Variants in BAIAP3 observed in about 807,000 individuals in gnomAD.
The protein encoded by BAIAP3 is BAI1 associated protein 3.
In BAIAP3, 180 loss-of-function variants were observed where a neutral mutation model predicts 149.7. That is an observed-to-expected ratio of 1.20 (90% CI 1.07 to 1.36). BAIAP3 has a LOEUF of 1.36. Ranked by LOEUF, BAIAP3 falls within the 40% of genes most tolerant of loss-of-function variation. The probability of loss-of-function intolerance (pLI) is 0.00; values close to 1 mark genes in which losing one functional copy is unlikely to be tolerated. For synonymous variants in BAIAP3, 845 were observed against 670.7 expected (o/e 1.26, Z -4.02); for missense variants, 1,767 against 1,563.4 (o/e 1.13, Z -2.20).
Position 1,344,101 on chromosome 16 carries a change from C to CT in BAIAP3, c.1467dup (p.Ala490CysfsTer28). Reference sequence around the variant, plus strand: ...CTGCGCCAGCTCCGAGACTACTTCCCTGCCACCAACAGCACCGCTGTCCAC... The same window carrying CT: ...CTGCGCCAGCTCCGAGACTACTTCCCTTGCCACCAACAGCACCGCTGTCCAC... On this transcript the variant is annotated frameshift_variant, in exon 16 of 34. Transcript: ENST00000426824. LOFTEE classifies it high-confidence loss of function. 6.2e-7 allele frequency: 1 copy of CT among 1,612,162 alleles called. No homozygotes were observed. Among genetic ancestry groups the CT allele is most frequent in the Non-Finnish European group, 8.5e-7 (1 of 1,179,896 alleles).
In BAIAP3 at chr16:1,338,918, G is replaced by A. The variant is rs149675788; in HGVS notation, c.148G>A (p.Val50Met). Residue 50 changes from valine to methionine, a missense_variant, in exon 3 of 34, where the codon GTG (valine) becomes ATG (methionine). Coordinates refer to ENST00000426824, the MANE Select transcript of BAIAP3 (RefSeq NM_001199097.2). The part of the protein sequence containing the change: ...ATGAWKPGDG[V>M]EFFAHMRLML... ...TTTCTCCAGGAAACCCGGGGATGGC[G>A]TGGAGTTCTTTGCCCACATGCGCCT... The A allele has an allele frequency of 3.7e-4, 590 of 1,613,006 alleles. No individual in the cohort carries two copies. Among genetic ancestry groups the A allele is most frequent in the Non-Finnish European group, 4.7e-4 (557 of 1,179,956 alleles).
Position 1,344,778 on chromosome 16 carries a change from G to A in BAIAP3, c.1758-20G>A. The A allele has an allele frequency of 1.9e-6, 3 of 1,613,778 alleles. No individual in the cohort carries two copies. The highest frequency in any genetic ancestry group is 2.5e-6 in the Non-Finnish European group (3 of 1,180,000). ...TGCAGGTGGGGCGCAGGTGGATGAG[G>A]TGTGTCCCTTGCTCTGCAGCATCCT... On this transcript the variant is annotated intron_variant, in intron 19 of 33. Coordinates refer to ENST00000426824, the MANE Select transcript of BAIAP3 (RefSeq NM_001199097.2).
At chr16:1,347,172 A>C in intron 28 of BAIAP3, 126 bp from the exon 29 acceptor site, 2 of 1,062,726 alleles carry the variant, frequency 1.9e-6, no homozygotes, top group Non-Finnish European at 2.7e-6. Context: ...CCAGGGTGTG[A>C]GAAAGGGCTC....
chr16:1,344,585 C>G lies in BAIAP3; in HGVS notation c.1660-16C>G, dbSNP rs1476173307. ...CGGGCAGCCGAGAGGTGGGTACGAG[C>G]TAGGCTTCCTTGCAGCCAGGACCAC... is the stretch of plus-strand genomic sequence containing the variant. On this transcript the variant is annotated splice_polypyrimidine_tract_variant and intron_variant, in intron 18 of 33. Coordinates refer to ENST00000426824, the MANE Select transcript of BAIAP3 (RefSeq NM_001199097.2). 1 of 1,612,826 alleles carries G rather than the reference C, an allele frequency of 6.2e-7. No individual in the cohort carries two copies. The highest frequency in any genetic ancestry group is 1.7e-5 in the Admixed American group (1 of 60,028).
chr16:1,346,121 G>A, intron 24 of BAIAP3, 43 bp downstream of exon 24: 2 of 1,605,124 alleles, frequency 1.2e-6, no homozygotes, highest in Non-Finnish European at 8.5e-7. Context: ...GAGGTGGGGG[G>A]CCATCACCAG....
Position 1,345,243 on chromosome 16 carries a change from C to T in BAIAP3, c.1941-6C>T, listed in dbSNP as rs919073962. 1 of 1,612,684 alleles carries T rather than the reference C, an allele frequency of 6.2e-7. No homozygotes were observed. On this transcript the variant is annotated splice_polypyrimidine_tract_variant and splice_region_variant and intron_variant, in intron 21 of 33. Coordinates refer to ENST00000426824, the MANE Select transcript of BAIAP3 (RefSeq NM_001199097.2). ...GGGCCGAGCCCTCACAACCCTCCCA[C>T]CACAGGGACAGCCGCTCTCTGGCCC...
intron 23 of BAIAP3, 33 bp downstream of exon 23, chr16:1,345,923 G>A (rs770924130): frequency 2.1e-5 from 33 of 1,579,880 alleles, no homozygotes; most frequent in African/African-American, 6.7e-5. Context: ...TGAGGGGAAC[G>A]GGTGGGAGAG....
chr16:1,346,794 G>GCT, intron 27 of BAIAP3, 53 bp from the exon 28 acceptor site: 1 of 377,386 alleles, frequency 2.6e-6, no homozygotes, highest in Non-Finnish European at 3.9e-6. Flanking sequence ...TTCTGCAGGT[G>GCT]GGGCCAGCGG....
intron 29 of BAIAP3, 67 bp downstream of exon 29, chr16:1,347,436 A>C: frequency 1.9e-6 from 3 of 1,593,384 alleles, no homozygotes; most frequent in Non-Finnish European, 2.6e-6. Flanking sequence ...GCAGCCCCAC[A>C]CGGGCTGTGT....
intron 1 of BAIAP3, chr16:1,336,342 C>A (rs1466062902): frequency 1.0e-6 from 1 of 977,920 alleles, no homozygotes; most frequent in Non-Finnish European, 1.2e-6. Context: ...GCCTACCAAG[C>A]CCCCCCATCT....
chr16:1,339,078 A>C (rs1596563192), intron 3 of BAIAP3, 86 bp from the exon 4 acceptor site: 1 of 1,594,134 alleles, frequency 6.3e-7, no homozygotes. Context: ...CCTCGCTCCC[A>C]CCTCCTGGGG....
chr16:1,346,715 C>T, intron 27 of BAIAP3, 31 bp downstream of exon 27: 1 of 1,504,622 alleles, frequency 6.6e-7, no homozygotes, highest in Non-Finnish European at 9.0e-7. Flanking sequence ...ATGGGCTGGG[C>T]TGGCCCGTGG....
chr16:1,346,808 AGGTGGGGCT>A, intron 27 of BAIAP3, 30 bp from the exon 28 acceptor site: 1 of 866,208 alleles, frequency 1.2e-6, no homozygotes, highest in Middle Eastern at 2.8e-4. Context: ...CCAGCGGGGC[AGGTGGGGCT>A]GGCCCGTGGT....
chr16:1,334,881 T>C (rs2033358911), intron 1 of BAIAP3: 7 of 917,600 alleles, frequency 7.6e-6, no homozygotes, highest in South Asian at 3.1e-5. Flanking sequence ...AGAGCCAGCC[T>C]GTGGGGCAGA....
chr16:1,346,880 G>C lies in BAIAP3; in HGVS notation c.2676G>C (p.Gln892His), dbSNP rs779171839. Residue 892 changes from glutamine (Q) to histidine (H), a missense_variant, in exon 28 of 34, where the codon CAG becomes CAC. Physicochemically the swap from Gln to His is conservative, Grantham distance 24. Coordinates refer to ENST00000426824, the MANE Select transcript of BAIAP3 (RefSeq NM_001199097.2). Reference sequence around the variant, plus strand: ...AGGCCCTGTGGGAGCTACTCCTCCAGGCCATTCTGCAGGCGCTGGGTGCAA... The same window carrying C: ...AGGCCCTGTGGGAGCTACTCCTCCACGCCATTCTGCAGGCGCTGGGTGCAA... ...VLEALWELLL[Q>H]AILQALGANR... The C allele has an allele frequency of 6.2e-7, 1 of 1,609,152 alleles. No individual in the cohort carries two copies. The highest frequency in any genetic ancestry group is 8.5e-7 in the Non-Finnish European group (1 of 1,179,030).
intron 14 of BAIAP3, 171 bp from the exon 15 acceptor site, chr16:1,343,222 A>C: frequency 8.6e-7 from 1 of 1,157,748 alleles, no homozygotes; most frequent in Non-Finnish European, 1.2e-6. Flanking sequence ...GGGCGGTGCC[A>C]TGAGTAGGTA....
intron 10 of BAIAP3, 58 bp downstream of exon 10, chr16:1,342,121 C>T (rs2033963709): frequency 1.9e-6 from 3 of 1,568,322 alleles, no homozygotes; most frequent in Non-Finnish European, 2.6e-6. Flanking sequence ...GTCATGGGGC[C>T]CGGCGGGCAG....
At chr16:1,341,665 G>A (rs1188720884) in intron 8 of BAIAP3, among the ~76,000 whole-genome samples, 157 bp from the exon 9 acceptor site, 3 of 152,230 alleles carry the variant, frequency 2.0e-5, no homozygotes, top group Non-Finnish European at 4.4e-5. Flanking sequence ...GGGGCCACAC[G>A]GCTGGCAACA....
intron 1 of BAIAP3, among the ~76,000 whole-genome samples, chr16:1,338,095 C>T (rs2033591238): frequency 1.3e-5 from 2 of 152,156 alleles, no homozygotes; most frequent in Non-Finnish European, 2.9e-5. Context: ...CCAGAGTCGG[C>T]ACGGGGGCTG....
Sources: gnomAD v4.1 joint callset for allele counts (sites outside exome capture counted in the v4.1 genomes callset) on GRCh38, gnomAD v4.1.1 for gene constraint, MANE v1.5 for transcripts, NCBI Gene and HGNC (gene_info 2026-07-23, HGNC 2026-07-21) for gene names.